MEGF11: variants seen among roughly 807,000 people sequenced by gnomAD.
The protein encoded by MEGF11 is multiple epidermal growth factor-like domains protein 11.
Under a neutral mutation model 146.6 loss-of-function variants are expected in MEGF11, and 126 were observed. That is an observed-to-expected ratio of 0.86 (90% CI 0.74 to 1.00). The LOEUF is 1.00. MEGF11 is among the 50% of genes least tolerant of loss of function. The pLI is 0.00. For missense variants in MEGF11, 1,509 were observed against 1,521.2 expected (o/e 0.99, Z 0.13); for synonymous variants, 532 against 583.4 (o/e 0.91, Z 1.27).
At chr15:66,133,804 T>A (rs973614094) in intron 1 of MEGF11, among the ~76,000 whole-genome samples, 12 of 152,174 alleles carry the variant, frequency 7.9e-5, no homozygotes, top group Admixed American at 4.6e-4. Flanking sequence ...AAAAAAGTTT[T>A]AAAAATAAAT....
chr15:65,968,209 A>G (rs971807215), intron 8 of MEGF11, among the ~76,000 whole-genome samples: 13 of 152,038 alleles, frequency 8.6e-5, no homozygotes, highest in African/African-American at 3.1e-4. Flanking sequence ...GGAAGGAGGG[A>G]AACTGAGGCA....
At chr15:66,070,976 G>T (rs2085340197) in intron 5 of MEGF11, among the ~76,000 whole-genome samples, 1 of 152,104 alleles carries the variant, frequency 6.6e-6, no homozygotes, top group African/African-American at 2.4e-5. Flanking sequence ...CACCCCTCAA[G>T]AACTAGAAGA....
At chr15:66,070,768 T>C (rs1004792291) in intron 5 of MEGF11, among the ~76,000 whole-genome samples, 5 of 152,208 alleles carry the variant, frequency 3.3e-5, no homozygotes, top group African/African-American at 7.2e-5. Context: ...TGCAAGGCTG[T>C]CGAGGAAGTG....
intron 5 of MEGF11, among the ~76,000 whole-genome samples, chr15:66,043,837 G>A (rs1462430889): frequency 1.3e-5 from 2 of 152,248 alleles, no homozygotes; most frequent in Non-Finnish European, 2.9e-5. Flanking sequence ...ATGAACAGAA[G>A]TAAGCGACCA....
chr15:66,228,424 A>G (rs2091897266), intron 1 of MEGF11, among the ~76,000 whole-genome samples: 1 of 152,088 alleles, frequency 6.6e-6, no homozygotes, highest in South Asian at 2.1e-4. Context: ...GTGACAGGCT[A>G]TGGAGCCCCA....
intron 10 of MEGF11, among the ~76,000 whole-genome samples, chr15:65,944,898 G>GTTT (rs35017817): frequency 1.5e-5 from 2 of 134,302 alleles, no homozygotes; most frequent in Non-Finnish European, 1.6e-5. Flanking sequence ...AAACTCTCAG[G>GTTT]TTTTTTTTTT....
At chr15:66,252,797 T>C (rs1240148323) in intron 1 of MEGF11, among the ~76,000 whole-genome samples, 1 of 152,148 alleles carries the variant, frequency 6.6e-6, no homozygotes, top group Non-Finnish European at 1.5e-5. Flanking sequence ...CCACCACCCA[T>C]TTCCCCACCT....
At chr15:66,239,663 C>A (rs936776089) in intron 1 of MEGF11, among the ~76,000 whole-genome samples, 2 of 152,222 alleles carry the variant, frequency 1.3e-5, no homozygotes, top group African/African-American at 4.8e-5. Context: ...TCTGGCACAG[C>A]CTGCACTGCA....
At chr15:66,130,514 T>A (rs2088594714) in intron 1 of MEGF11, among the ~76,000 whole-genome samples, 1 of 151,992 alleles carries the variant, frequency 6.6e-6, no homozygotes, top group Admixed American at 6.6e-5. Flanking sequence ...GTTCCTCTGG[T>A]CCCTTTTGAC....
chr15:66,110,642 C>G (rs1048841208), intron 4 of MEGF11, among the ~76,000 whole-genome samples: 3 of 152,158 alleles, frequency 2.0e-5, no homozygotes, highest in African/African-American at 4.8e-5. Context: ...GGATGTTGTT[C>G]TTCTAGGCAG....
intron 1 of MEGF11, among the ~76,000 whole-genome samples, chr15:66,141,628 A>G (rs1432216259): frequency 1.3e-5 from 2 of 152,158 alleles, no homozygotes; most frequent in South Asian, 2.1e-4. Flanking sequence ...AGAAAAGTCA[A>G]TCTGCTACAT....
At chr15:65,902,888 C>T (rs2078530025) in intron 24 of MEGF11, among the ~76,000 whole-genome samples, 1 of 152,168 alleles carries the variant, frequency 6.6e-6, no homozygotes, top group Non-Finnish European at 1.5e-5. Context: ...CAGTGACTTT[C>T]CAGGGCCACC....
At chr15:65,978,777 AGAG>A (rs147771391) in intron 7 of MEGF11, among the ~76,000 whole-genome samples, 15,984 of 151,188 alleles carry the variant, frequency 0.11, 1,100 homozygotes, top group Middle Eastern at 0.2. Context: ...TTTCTTCCTC[AGAG>A]GAGACAGACA....
intron 1 of MEGF11, among the ~76,000 whole-genome samples, chr15:66,250,053 C>G (rs2092349556): frequency 6.6e-6 from 1 of 152,234 alleles, no homozygotes; most frequent in Non-Finnish European, 1.5e-5. Flanking sequence ...CAGAGCACAC[C>G]AAACAGCTGT....
chr15:66,228,020 C>A (rs1020227641), intron 1 of MEGF11, among the ~76,000 whole-genome samples: 88 of 152,234 alleles, frequency 5.8e-4, no homozygotes, highest in Non-Finnish European at 2.1e-4. Context: ...CTGCCCTGGG[C>A]CCTAAGTCAC....
chr15:65,929,236 A>G (rs1477801379), intron 12 of MEGF11, among the ~76,000 whole-genome samples: 2 of 152,230 alleles, frequency 1.3e-5, no homozygotes, highest in South Asian at 4.1e-4. Flanking sequence ...TCTCAGACCT[A>G]TAAGATGAAG....
chr15:66,156,684 C>T (rs994991602), intron 1 of MEGF11, among the ~76,000 whole-genome samples: 6 of 152,158 alleles, frequency 3.9e-5, no homozygotes, highest in South Asian at 2.1e-4. Flanking sequence ...CTTCTGCCTT[C>T]GTTAACCAGG....
chr15:65,966,942 G>A (rs1381313403), intron 8 of MEGF11: 2 of 151,896 alleles, frequency 1.3e-5, no homozygotes, highest in Non-Finnish European at 2.9e-5. Context: ...TAAACCTGGA[G>A]GAATAGGGGT....
At chr15:66,018,620 C>A (rs1008409230) in intron 5 of MEGF11, among the ~76,000 whole-genome samples, 1 of 151,978 alleles carries the variant, frequency 6.6e-6, no homozygotes, top group African/African-American at 2.4e-5. Context: ...AGCTGGTGAG[C>A]GCATGTGTGA....
Sources: gnomAD v4.1 joint callset for allele counts (sites outside exome capture counted in the v4.1 genomes callset) on GRCh38, gnomAD v4.1.1 for gene constraint, MANE v1.5 for transcripts, NCBI Gene and HGNC (gene_info 2026-07-23, HGNC 2026-07-21) for gene names.